TXK: variants seen among roughly 807,000 people sequenced by gnomAD.
The protein encoded by TXK is TXK tyrosine kinase.
Under a neutral mutation model 81.0 loss-of-function variants are expected in TXK, and 60 were observed. That is an observed-to-expected ratio of 0.74 (90% CI 0.60 to 0.92). The LOEUF is 0.92. Ranked by LOEUF, TXK falls within the 40% of genes least tolerant of loss-of-function variation. The pLI is 0.00. For synonymous variants in TXK, 203 were observed against 210.7 expected, an observed-to-expected ratio of 0.96 and a Z score of 0.32; for missense variants, 581 against 638.3, an observed-to-expected ratio of 0.91 and a Z score of 0.97.
intron 8 of TXK, among the ~76,000 whole-genome samples, chr4:48,091,150 C>T (rs931959641): frequency 6.6e-6 from 1 of 152,108 alleles, no homozygotes; most frequent in Admixed American, 6.6e-5. Context: ...ATATAGGGTG[C>T]CTTGGGATGT....
chr4:48,091,998 ATAAT>A lies in TXK; in HGVS notation c.709+2075_709+2078del, dbSNP rs541796205. On this transcript the variant is annotated intron_variant, in intron 8 of 14. Coordinates refer to ENST00000264316, the MANE Select transcript of TXK (RefSeq NM_003328.3). ...TAGGATATGAAATCAATTGCATTTG[ATAAT>A]TAATCAGAAGTGAGCTATTAAGAAG... Among the ~76,000 whole-genome samples, 4 of 152,356 alleles carry A rather than the reference ATAAT, an allele frequency of 2.6e-5. No individual in the cohort carries two copies. In the East Asian group the frequency reaches 7.7e-4, roughly 29 times the overall value.
chr4:48,078,632 G>C (rs12646088), intron 11 of TXK, among the ~76,000 whole-genome samples: 16,920 of 152,236 alleles, frequency 0.11, 1,175 homozygotes, highest in East Asian at 0.35. Context: ...CTTAGCATAT[G>C]GTTTGGGGCA....
intron 8 of TXK, among the ~76,000 whole-genome samples, chr4:48,090,045 A>G (rs1288476634): frequency 6.6e-6 from 1 of 152,240 alleles, no homozygotes; most frequent in African/African-American, 2.4e-5. Flanking sequence ...ATGACCCTAA[A>G]AAATCCCTCA....
chr4:48,069,147 A>T (rs572684439), intron 14 of TXK, among the ~76,000 whole-genome samples: 24 of 152,104 alleles, frequency 1.6e-4, no homozygotes, highest in South Asian at 4.1e-4. Flanking sequence ...AAAAAATTTT[A>T]AAAAATTAGC....
In TXK at chr4:48,100,040, C is replaced by T. The variant is rs1718130855; in HGVS notation, c.502-4818G>A. 4.0e-5 allele frequency among the ~76,000 whole-genome samples: 6 copies of T among 151,186 alleles called. No homozygotes were observed. In the South Asian group the frequency reaches 1.0e-3, roughly 26 times the overall value. On this transcript the variant is annotated intron_variant, in intron 6 of 14. Coordinates refer to ENST00000264316, the MANE Select transcript of TXK (RefSeq NM_003328.3). ...ACAAAAAATTAGCCGGGCGCAGTGG[C>T]GGGCGCCTGTAGTCCCAGCTACTCG...
intron 10 of TXK, among the ~76,000 whole-genome samples, chr4:48,080,841 A>G (rs765155657): frequency 6.6e-6 from 1 of 152,176 alleles, no homozygotes; most frequent in Non-Finnish European, 1.5e-5. Flanking sequence ...ACTAGTCATC[A>G]TGGAAAATAA....
chr4:48,116,821 T>C (rs571276843), intron 1 of TXK, among the ~76,000 whole-genome samples: 148 of 152,030 alleles, frequency 9.7e-4, no homozygotes, highest in African/African-American at 3.3e-3. Context: ...AGGCAGAGAG[T>C]GGACCGGCAG....
chr4:48,123,849 A>G (rs2661533), intron 1 of TXK, among the ~76,000 whole-genome samples: 117,493 of 152,058 alleles, frequency 0.77, 45,501 homozygotes, highest in East Asian at 0.89. Flanking sequence ...AAGGTCTTCC[A>G]TAAGTGACCC....
intron 6 of TXK, among the ~76,000 whole-genome samples, chr4:48,098,032 C>A (rs900364979): frequency 6.6e-6 from 1 of 152,168 alleles, no homozygotes; most frequent in Non-Finnish European, 1.5e-5. Flanking sequence ...CAGGCATGAG[C>A]CACCACGCCC....
intron 6 of TXK, among the ~76,000 whole-genome samples, chr4:48,099,176 A>G (rs1718092455): frequency 6.6e-6 from 1 of 152,200 alleles, no homozygotes; most frequent in Admixed American, 6.5e-5. Context: ...GAATTCACCA[A>G]AATTATCAGT....
At chr4:48,115,240 CCT>C (rs780828420) in intron 1 of TXK, among the ~76,000 whole-genome samples, 17 of 152,150 alleles carry the variant, frequency 1.1e-4, no homozygotes, top group Non-Finnish European at 2.2e-4. Flanking sequence ...GTGATGTTCC[CCT>C]CTCTGTGTCC....
intron 6 of TXK, among the ~76,000 whole-genome samples, chr4:48,100,751 T>C (rs1287988797): frequency 6.6e-6 from 1 of 152,200 alleles, no homozygotes; most frequent in Non-Finnish European, 1.5e-5. Context: ...GATGGTAGCA[T>C]TGTTTCAACA....
chr4:48,083,524 G>A (rs913596233), intron 10 of TXK, among the ~76,000 whole-genome samples: 21 of 152,220 alleles, frequency 1.4e-4, no homozygotes, highest in African/African-American at 5.1e-4. Context: ...CCTTGGCCAA[G>A]TAAACTCTTA....
intron 1 of TXK, among the ~76,000 whole-genome samples, chr4:48,129,837 T>C (rs957908207): frequency 7.9e-5 from 12 of 152,078 alleles, no homozygotes; most frequent in African/African-American, 2.9e-4. Flanking sequence ...TTCTGTGAGC[T>C]CAAAGTTCAT....
chr4:48,079,245 T>C (rs1717197898), intron 11 of TXK, among the ~76,000 whole-genome samples: 1 of 152,238 alleles, frequency 6.6e-6, no homozygotes, highest in South Asian at 2.1e-4. Context: ...GCCTGGGGAC[T>C]AGACTTCCTT....
chr4:48,104,034 T>C (rs1718302703), intron 6 of TXK, among the ~76,000 whole-genome samples: 1 of 148,820 alleles, frequency 6.7e-6, no homozygotes, highest in Non-Finnish European at 1.5e-5. Flanking sequence ...AAACCCTGTC[T>C]CTATAAAAAA....
intron 10 of TXK, among the ~76,000 whole-genome samples, chr4:48,085,757 C>T (rs549725268): frequency 1.3e-5 from 2 of 152,132 alleles, no homozygotes; most frequent in Non-Finnish European, 2.9e-5. Context: ...CAGTCAGAGA[C>T]GAGATCGGCT....
intron 6 of TXK, among the ~76,000 whole-genome samples, chr4:48,100,374 A>G (rs1477955707): frequency 6.6e-6 from 1 of 152,152 alleles, no homozygotes; most frequent in East Asian, 1.9e-4. Flanking sequence ...TCAAAAACCC[A>G]ATAGAAAACT....
chr4:48,110,706 A>G, intron 4 of TXK, 103 bp from the exon 5 acceptor site: 1 of 830,430 alleles, frequency 1.2e-6, no homozygotes, highest in Non-Finnish European at 2.0e-6. Flanking sequence ...GGGAAATCAA[A>G]TTCATTTTAC....
Sources: allele counts gnomAD v4.1 joint callset (sites outside exome capture counted in the v4.1 genomes callset), GRCh38; gene constraint gnomAD v4.1.1; transcripts MANE v1.5; gene names NCBI Gene and HGNC (gene_info 2026-07-23, HGNC 2026-07-21).